The following HSP90AB1 variants were observed in gnomAD, a reference collection of about 807,000 sequenced individuals.
HSP90AB1 encodes the protein heat shock protein HSP 90-beta.
A neutral mutation model predicts 67.8 loss-of-function variants in HSP90AB1; 17 were observed. That is an observed-to-expected ratio of 0.25 (90% CI 0.17 to 0.38). The LOEUF is 0.38. HSP90AB1 is among the 10% of genes least tolerant of loss of function. HSP90AB1 has a pLI of 1.00. For missense variants in HSP90AB1, 690 were observed against 899.9 expected (o/e 0.77, Z 2.98); for synonymous variants, 390 against 312.9 (o/e 1.25, Z -2.60).
Position 44,251,889 on chromosome 6 carries a change from GT to G in HSP90AB1, c.1462+7del. ...AGTCCATCTATTACATCACTGGTGC[GT>G]TGACTCTGATTGAAGCCTTTTTGGA... On this transcript the variant is annotated splice_donor_region_variant and intron_variant, in intron 9 of 11. Coordinates refer to ENST00000371646, the MANE Select transcript of HSP90AB1 (RefSeq NM_007355.4). 1 of 1,613,300 alleles carries G rather than the reference GT, an allele frequency of 6.2e-7. No homozygotes were observed. The highest frequency in any genetic ancestry group is 8.5e-7 in the Non-Finnish European group (1 of 1,180,002).
chr6:44,252,141 A>G lies in HSP90AB1; in HGVS notation c.1605A>G (p.Ser535=). 1.2e-6 allele frequency: 2 copies of G among 1,614,188 alleles called. No individual in the cohort carries two copies. Among genetic ancestry groups the G allele is most frequent in the South Asian group, 1.1e-5 (1 of 91,078 alleles). Residue 535 remains serine, a synonymous_variant, in exon 10 of 12, where the codon TCA becomes TCG. Coordinates refer to ENST00000371646, the MANE Select transcript of HSP90AB1 (RefSeq NM_007355.4). ...LKEFDGKSLV[S]VTKEGLELPE... ...AATTTGATGGGAAGAGCCTGGTCTC[A>G]GTTACCAAGGAGGGTCTGGAGCTGC...
intron 2 of HSP90AB1, 21 bp from the exon 3 acceptor site, chr6:44,249,356 A>G (rs768090287): frequency 6.3e-7 from 1 of 1,594,762 alleles, no homozygotes; most frequent in East Asian, 2.2e-5. Flanking sequence ...AGCAAAAGTA[A>G]GTTGCTGTTT....
upstream of HSP90AB1, among the ~76,000 whole-genome samples, chr6:44,246,893 G>A (rs1358980519): frequency 6.6e-6 from 1 of 152,202 alleles, no homozygotes; most frequent in Non-Finnish European, 1.5e-5. Flanking sequence ...GTGAAACTAT[G>A]GGGCTGTGAT....
At chr6:44,250,925 G>T in intron 6 of HSP90AB1, 123 bp from the exon 7 acceptor site, 1 of 841,546 alleles carries the variant, frequency 1.2e-6, no homozygotes, top group Non-Finnish European at 2.0e-6. Flanking sequence ...CTCAGGAGCT[G>T]CTTGTTGTGT....
At chr6:44,250,193 A>G (rs369213626) in intron 5 of HSP90AB1, 39 bp downstream of exon 5, 270 of 1,613,640 alleles carry the variant, frequency 1.7e-4, no homozygotes, top group Admixed American at 4.5e-4. Context: ...CTTAACGTGC[A>G]GGATGTTTCC....
At chr6:44,250,963 A>G in intron 6 of HSP90AB1, 85 bp from the exon 7 acceptor site, 2 of 1,204,498 alleles carry the variant, frequency 1.7e-6, no homozygotes, top group Admixed American at 1.7e-5. Context: ...CTTAGGGAGG[A>G]TCATTGTTCC....
intron 2 of HSP90AB1, 127 bp downstream of exon 2, chr6:44,248,903 A>G: frequency 4.7e-6 from 4 of 850,116 alleles, no homozygotes; most frequent in Non-Finnish European, 7.6e-6. Flanking sequence ...CTATTCCAAA[A>G]AGATGGGTTT....
intron 10 of HSP90AB1, among the ~76,000 whole-genome samples, 195 bp downstream of exon 10, chr6:44,252,462 AACTTCTG>A (rs1780774151): frequency 6.6e-6 from 1 of 152,080 alleles, no homozygotes; most frequent in Non-Finnish European, 1.5e-5. Context: ...TGCTTCAGTT[AACTTCTG>A]AGAGTAGATA....
chr6:44,250,362 A>C lies in HSP90AB1; in HGVS notation c.720A>C (p.Glu240Asp). The C allele has an allele frequency of 1.2e-6, 2 of 1,613,694 alleles. No individual in the cohort carries two copies. Among genetic ancestry groups the C allele is most frequent in the Non-Finnish European group, 1.7e-6 (2 of 1,179,624 alleles). Reference sequence around the variant, plus strand: ...AAGAGAAAGGTGAGAAAGAAGAGGAAGATAAAGATGATGAAGAAAAACCCA... The same window carrying C: ...AAGAGAAAGGTGAGAAAGAAGAGGACGATAAAGATGATGAAGAAAAACCCA... ...AEEEKGEKEE[E>D]DKDDEEKPKI... Residue 240 changes from glutamate to aspartate, a missense_variant, in exon 6 of 12, where the codon GAA (glutamate) becomes GAC (aspartate). Transcript: ENST00000371646.
Position 44,249,477 on chromosome 6 carries a change from C to T in HSP90AB1, c.248C>T (p.Thr83Ile). ...IDIIPNPQER[T>I]LTLVDTGIGM... Reference sequence around the variant, plus strand: ...ATCATCCCCAACCCTCAGGAACGTACCCTGACTTTGGTAGACACAGGCATT... The same window carrying T: ...ATCATCCCCAACCCTCAGGAACGTATCCTGACTTTGGTAGACACAGGCATT... Residue 83 changes from threonine to isoleucine, a missense_variant, in exon 3 of 12, where the codon ACC (threonine) becomes ATC (isoleucine). Physicochemically the swap from Thr to Ile is moderately conservative, Grantham distance 89 (BLOSUM62 -1). Transcript: ENST00000371646. 6.2e-7 allele frequency: 1 copy of T among 1,613,920 alleles called. No homozygotes were observed. The highest frequency in any genetic ancestry group is 8.5e-7 in the Non-Finnish European group (1 of 1,179,782).
chr6:44,253,168 T>A lies in HSP90AB1; in HGVS notation c.1855T>A (p.Tyr619Asn). Reference protein sequence around the residue: ...QALRDNSTMGYMMAKKHLEIN... With the variant: ...QALRDNSTMGNMMAKKHLEIN... ...ACTTCGGGACAACTCCACCATGGGC[T>A]ATATGATGGCCAAAAAGCACCTGGA... is the stretch of plus-strand genomic sequence containing the variant. Residue 619 changes from tyrosine (Y) to asparagine (N), a missense_variant, in exon 11 of 12, where the codon TAT becomes AAT. This residue lies in a region of HSP90AB1 where 120 missense variants were observed against 153.5 expected (regional missense o/e 0.78). Coordinates refer to ENST00000371646, the MANE Select transcript of HSP90AB1 (RefSeq NM_007355.4). 6.2e-7 allele frequency: 1 copy of A among 1,614,218 alleles called. No individual in the cohort carries two copies. The highest frequency in any genetic ancestry group is 8.5e-7 in the Non-Finnish European group (1 of 1,180,036).
intron 6 of HSP90AB1, 96 bp from the exon 7 acceptor site, chr6:44,250,952 G>A: frequency 9.2e-7 from 1 of 1,089,242 alleles, no homozygotes; most frequent in South Asian, 1.3e-5. Flanking sequence ...TATCCCTTAG[G>A]CTTAGGGAGG....
chr6:44,251,759 C>T lies in HSP90AB1; in HGVS notation c.1337C>T (p.Thr446Ile), dbSNP rs748384005. The part of the protein sequence containing the change: ...NLKLGIHEDS[T>I]NRRRLSELLR... ...AAGCTTGGAATCCACGAAGACTCCA[C>T]TAACCGCCGCCGCCTGTCTGAGCTG... Residue 446 changes from threonine (T) to isoleucine (I), a missense_variant, in exon 9 of 12, where the codon ACT becomes ATT. By Grantham distance (89) the Thr-to-Ile change is moderately conservative. This residue lies in a region of HSP90AB1 where 206 missense variants were observed against 221.4 expected (regional missense o/e 0.93). Transcript: ENST00000371646. 3.1e-6 allele frequency: 5 copies of T among 1,613,742 alleles called. No homozygotes were observed. Among genetic ancestry groups the T allele is most frequent in the South Asian group, 1.1e-5 (1 of 91,044 alleles).
At chr6:44,252,934 A>AAG in intron 10 of HSP90AB1, 111 bp from the exon 11 acceptor site, 1 of 845,872 alleles carries the variant, frequency 1.2e-6, no homozygotes, top group Non-Finnish European at 1.9e-6. Context: ...GCATGGTCTC[A>AAG]AACTCAAGTG....
intron 6 of HSP90AB1, 95 bp from the exon 7 acceptor site, chr6:44,250,953 C>T (rs868242330): frequency 2.7e-6 from 3 of 1,116,870 alleles, no homozygotes; most frequent in Non-Finnish European, 4.1e-6. Context: ...ATCCCTTAGG[C>T]TTAGGGAGGA....
intron 1 of HSP90AB1, among the ~76,000 whole-genome samples, chr6:44,248,340 C>T (rs746186356): frequency 4.6e-5 from 7 of 152,228 alleles, no homozygotes; most frequent in Non-Finnish European, 8.8e-5. Flanking sequence ...GCCATACTAC[C>T]AGATGATGCT....
intron 5 of HSP90AB1, 33 bp downstream of exon 5, chr6:44,250,187 A>G (rs749861619): frequency 1.2e-6 from 2 of 1,613,914 alleles, no homozygotes; most frequent in East Asian, 2.2e-5. Flanking sequence ...TTTACACTTA[A>G]CGTGCAGGAT....
At position 44,250,071 on chromosome 6, in the gene HSP90AB1, C is replaced by G; in HGVS notation, c.565C>G (p.Gln189Glu). Residue 189 changes from glutamine (Q) to glutamate (E), a missense_variant, in exon 5 of 12, where the codon CAG becomes GAG. By Grantham distance (29) the Gln-to-Glu change is conservative. This residue lies in a region of HSP90AB1 where 146 missense variants were observed against 143.7 expected (regional missense o/e 1.02). Transcript: ENST00000371646. Reference sequence around the variant, plus strand: ...AGTGATCCTCCATCTTAAAGAAGATCAGACAGAGTACCTAGAAGAGAGGCG... The same window carrying G: ...AGTGATCCTCCATCTTAAAGAAGATGAGACAGAGTACCTAGAAGAGAGGCG... ...TKVILHLKED[Q>E]TEYLEERRVK... The G allele has an allele frequency of 1.2e-6, 2 of 1,614,086 alleles. No homozygotes were observed. The highest frequency in any genetic ancestry group is 1.7e-6 in the Non-Finnish European group (2 of 1,179,950).
intron 4 of HSP90AB1, 36 bp from the exon 5 acceptor site, chr6:44,249,979 ATACTTT>A: frequency 1.2e-6 from 2 of 1,612,316 alleles, no homozygotes; most frequent in Non-Finnish European, 1.7e-6. Context: ...TCAACTGCAT[ATACTTT>A]TTACCCTGTT....
Sources: gnomAD v4.1 joint callset for allele counts (sites outside exome capture counted in the v4.1 genomes callset) on GRCh38, gnomAD v4.1.1 for gene constraint, gnomAD v4.1.1 regional missense constraint, MANE v1.5 for transcripts, NCBI Gene and HGNC (gene_info 2026-07-23, HGNC 2026-07-21) for gene names.